TSC22D4: variants seen among roughly 807,000 people sequenced by gnomAD.
TSC22D4 encodes the protein TSC22 domain family member 4, also known as TSC22 domain family protein 4.
In TSC22D4, 5 loss-of-function variants were observed where a neutral mutation model predicts 24.9. The observed-to-expected ratio is 0.20, with a 90% CI of 0.10 to 0.42. The LOEUF (loss-of-function observed/expected upper bound fraction) is 0.42. TSC22D4 is among the 10% of genes least tolerant of loss of function. The probability of loss-of-function intolerance (pLI) is 1.00; values close to 1 mark genes in which losing one functional copy is unlikely to be tolerated. For synonymous variants in TSC22D4, 245 were observed against 243.2 expected (o/e 1.01, Z -0.07); for missense variants, 469 against 547.9 (o/e 0.86, Z 1.44).
chr7:100,474,448 C>T lies in TSC22D4; in HGVS notation c.763-8G>A, dbSNP rs772126583. The stretch of plus-strand genomic sequence containing the variant: ...AGAGTCAAGTGGGGGCACCTGGAGG[C>T]GGAGAGGTAGGAACCATCACATGAA... On this transcript the variant is annotated splice_region_variant and splice_polypyrimidine_tract_variant and intron_variant, in intron 2 of 4. Transcript: ENST00000300181. The surrounding 1 kb of genome is among the most constrained non-coding windows in gnomAD (Gnocchi z 4.3). The T allele has an allele frequency of 1.1e-5, 18 of 1,613,640 alleles. No individual in the cohort carries two copies. The highest frequency in any genetic ancestry group is 1.1e-4 in the East Asian group (5 of 44,870).
rs1191788482 is a variant in TSC22D4, at chr7:100,474,531, C to T, written c.763-91G>A. 1.4e-6 allele frequency: 2 copies of T among 1,441,132 alleles called. No homozygotes were observed. Among genetic ancestry groups the T allele is most frequent in the African/African-American group, 2.8e-5 (2 of 70,764 alleles). The allele number at this position is 1,441,132 out of a possible 1,614,324, so 89.3% of individuals were successfully genotyped here. Reference sequence around the variant, plus strand: ...CTTGCCTATTAGCCTTCCTCCCTCTCCACCTCCCCACTCTCTTTCGAGGAC... The same window carrying T: ...CTTGCCTATTAGCCTTCCTCCCTCTTCACCTCCCCACTCTCTTTCGAGGAC... On this transcript the variant is annotated intron_variant, in intron 2 of 4. Coordinates refer to ENST00000300181, the MANE Select transcript of TSC22D4 (RefSeq NM_030935.5). The surrounding 1 kb of genome is among the most constrained non-coding windows in gnomAD (Gnocchi z 4.3).
chr7:100,478,568 T>G (rs1353073467), intron 1 of TSC22D4, among the ~76,000 whole-genome samples: 1 of 151,642 alleles, frequency 6.6e-6, no homozygotes, highest in African/African-American at 2.4e-5. Context: ...AGTCCCAGAG[T>G]TGGGCATTTC....
Position 100,467,611 on chromosome 7 carries a change from A to C in TSC22D4, c.930-11T>G. The C allele has an allele frequency of 6.2e-7, 1 of 1,614,020 alleles. No homozygotes were observed. On this transcript the variant is annotated splice_polypyrimidine_tract_variant and intron_variant, in intron 3 of 4. Transcript: ENST00000300181. ...AGGCTTCCGGAGCCACTGGAGAGAC[A>C]CAGGAAGGTGAGGGGAGGAGAGGAG...
chr7:100,473,950 C>T, intron 3 of TSC22D4: 2 of 293,030 alleles, frequency 6.8e-6, no homozygotes, highest in South Asian at 7.8e-5. Flanking sequence ...CATGCATTTG[C>T]CAGTGGGTTC....
Position 100,478,318 on chromosome 7 carries a change from A to AGG in TSC22D4, c.-269-13_-269-12dup, listed in dbSNP as rs1454432968. ...AGCTGAGTTTGCAAACTGGAAAAAGAGGGGGAGAGAGAGAGAGAGAGAGAG... is the reference window on the plus strand; with the variant it reads ...AGCTGAGTTTGCAAACTGGAAAAAGAGGGGGGGAGAGAGAGAGAGAGAGAGAG... On this transcript the variant is annotated splice_polypyrimidine_tract_variant and intron_variant, in intron 1 of 4. Coordinates refer to ENST00000300181, the MANE Select transcript of TSC22D4 (RefSeq NM_030935.5). 1.1e-4 allele frequency: 41 copies of AGG among 385,654 alleles called. No individual in the cohort carries two copies. Among genetic ancestry groups the AGG allele is most frequent in the East Asian group, 7.9e-4 (16 of 20,166 alleles). 23.9% of individuals were successfully genotyped at this position (385,654 alleles called of 1,614,324 possible). A position where few individuals can be genotyped will look rare whatever the true frequency, so the allele number is the denominator to read the frequency against.
At chr7:100,471,051 A>T (rs1311702077) in intron 3 of TSC22D4, among the ~76,000 whole-genome samples, 2 of 152,076 alleles carry the variant, frequency 1.3e-5, no homozygotes, top group Non-Finnish European at 2.9e-5. Context: ...AAAGCAGGAC[A>T]CCTGGGAGAA....
At chr7:100,472,677 G>A (rs1199624569) in intron 3 of TSC22D4, among the ~76,000 whole-genome samples, 2 of 152,034 alleles carry the variant, frequency 1.3e-5, no homozygotes, top group Non-Finnish European at 2.9e-5. Flanking sequence ...TGGGAATGGG[G>A]CGTGCAGAAG....
At chr7:100,473,978 T>G in intron 3 of TSC22D4, 1 of 335,262 alleles carries the variant, frequency 3.0e-6, no homozygotes, top group Non-Finnish European at 5.7e-6. Context: ...GGCCAGATGA[T>G]CTCTAAATCT....
At position 100,477,898 on chromosome 7, in the gene TSC22D4, C is replaced by G; in HGVS notation, c.141G>C (p.Glu47Asp). ...TGPPPRLPNGEPSPDPGGKGT... is the reference protein window; with the variant it reads ...TGPPPRLPNGDPSPDPGGKGT... The stretch of plus-strand genomic sequence containing the variant: ...CCTTGCCCCCCGGATCGGGGCTGGG[C>G]TCCCCATTGGGCAGGCGGGGCGGGG... Residue 47 changes from glutamate to aspartate, a missense_variant, in exon 2 of 5, where the codon GAG becomes GAC. Coordinates refer to ENST00000300181, the MANE Select transcript of TSC22D4 (RefSeq NM_030935.5). The surrounding 1 kb of genome is among the most constrained non-coding windows in gnomAD (Gnocchi z 7.8). 1 of 1,569,658 alleles carries G rather than the reference C, an allele frequency of 6.4e-7. No individual in the cohort carries two copies. Among genetic ancestry groups the G allele is most frequent in the Non-Finnish European group, 8.6e-7 (1 of 1,158,764 alleles).
At position 100,478,322 on chromosome 7, in the gene TSC22D4, G is replaced by GGGGA. The variant is rs1490677352; in HGVS notation, c.-269-16_-269-15insTCCC. On this transcript the variant is annotated splice_polypyrimidine_tract_variant and intron_variant, in intron 1 of 4. Coordinates refer to ENST00000300181, the MANE Select transcript of TSC22D4 (RefSeq NM_030935.5). Reference sequence around the variant, plus strand: ...GAGTTTGCAAACTGGAAAAAGAGGGGGAGAGAGAGAGAGAGAGAGAGAGAG... The same window carrying GGGGA: ...GAGTTTGCAAACTGGAAAAAGAGGGGGGGAGAGAGAGAGAGAGAGAGAGAGAGAG... 1 of 199,176 alleles carries GGGGA rather than the reference G, an allele frequency of 5.0e-6. No individual in the cohort carries two copies. Among genetic ancestry groups the GGGGA allele is most frequent in the Non-Finnish European group, 8.8e-6 (1 of 113,916 alleles). The allele number at this position is 199,176 out of a possible 1,614,324, so 12.3% of individuals were successfully genotyped here.
chr7:100,474,458 G>T lies in TSC22D4; in HGVS notation c.763-18C>A. 6.2e-7 allele frequency: 1 copy of T among 1,613,360 alleles called. No individual in the cohort carries two copies. Among genetic ancestry groups the T allele is most frequent in the Non-Finnish European group, 8.5e-7 (1 of 1,179,794 alleles). On this transcript the variant is annotated intron_variant, in intron 2 of 4. Transcript: ENST00000300181. The surrounding 1 kb of genome is among the most constrained non-coding windows in gnomAD (Gnocchi z 4.3). ...GGGGGCACCTGGAGGCGGAGAGGTA[G>T]GAACCATCACATGAAAAGAGAAAAG...
chr7:100,476,316 T>C (rs956836957), intron 2 of TSC22D4, among the ~76,000 whole-genome samples: 2 of 151,818 alleles, frequency 1.3e-5, no homozygotes, highest in Non-Finnish European at 2.9e-5. Flanking sequence ...TCCTGACCGG[T>C]CCTGACAGGA....
rs954650944 is a variant in TSC22D4, at chr7:100,476,856, G to A, written c.762+421C>T. On this transcript the variant is annotated intron_variant, in intron 2 of 4. Transcript: ENST00000300181. The stretch of plus-strand genomic sequence containing the variant: ...GCTGCAGTGCAGAGACTGGCAGCGC[G>A]CAAGGCCTACCTTTTACTTTTCCTC... 5.3e-5 allele frequency among the ~76,000 whole-genome samples: 8 copies of A among 152,106 alleles called. No homozygotes were observed. In the East Asian group the frequency reaches 7.7e-4, roughly 15 times the overall value.
intron 2 of TSC22D4, among the ~76,000 whole-genome samples, chr7:100,475,001 ATGT>A (rs1183595982): frequency 6.6e-6 from 1 of 152,006 alleles, no homozygotes; most frequent in Non-Finnish European, 1.5e-5. Flanking sequence ...GGGTCTCAAG[ATGT>A]TGTCCCGGCT....
At chr7:100,469,837 G>C (rs1339477408) in intron 3 of TSC22D4, among the ~76,000 whole-genome samples, 1 of 152,200 alleles carries the variant, frequency 6.6e-6, no homozygotes, top group Non-Finnish European at 1.5e-5. Context: ...ATAAGGTCCT[G>C]CAGCCAGGAA....
At chr7:100,475,999 G>A (rs1799489371) in intron 2 of TSC22D4, among the ~76,000 whole-genome samples, 2 of 151,576 alleles carry the variant, frequency 1.3e-5, no homozygotes, top group South Asian at 4.2e-4. Flanking sequence ...CAAAACAGAT[G>A]CGTGCAAACA....
rs1390744326 is a variant in TSC22D4 at position 100,477,409 on chromosome 7, G to A, written c.630C>T (p.Ala210=). 6.3e-7 allele frequency: 1 copy of A among 1,595,450 alleles called. No homozygotes were observed. Among genetic ancestry groups the A allele is most frequent in the Non-Finnish European group, 8.5e-7 (1 of 1,170,204 alleles). ...CCACCCTCAGAGAGGGCAGGGGCGTGGCAGCCCGGGATGTGCCCGCACTCT... is the reference window on the plus strand; with the variant it reads ...CCACCCTCAGAGAGGGCAGGGGCGTAGCAGCCCGGGATGTGCCCGCACTCT... ...TGESAGTSRA[A]TPLPSLRVEA... Residue 210 remains alanine, a synonymous_variant, in exon 2 of 5, where the codon GCC becomes GCT. Coordinates refer to ENST00000300181, the MANE Select transcript of TSC22D4 (RefSeq NM_030935.5). This position sits in a 1 kb window ranked among gnomAD's most constrained non-coding sequence, Gnocchi z 7.8.
rs937834320 is a variant in TSC22D4, at chr7:100,478,979, C to G, written c.-455G>C. ...GGCATCTCCGAGGAAAGTTTGCTCT[C>G]CGGAAAAGAAGAAACCCGCGCCTCC... On this transcript the variant is annotated 5_prime_UTR_variant, in exon 1 of 5. Coordinates refer to ENST00000300181, the MANE Select transcript of TSC22D4 (RefSeq NM_030935.5). The G allele has an allele frequency of 1.3e-5, 2 of 152,260 alleles. No individual in the cohort carries two copies. Among genetic ancestry groups the G allele is most frequent in the African/African-American group, 4.8e-5 (2 of 41,446 alleles). 9.4% of individuals were successfully genotyped at this position (152,260 alleles called of 1,614,324 possible).
At position 100,477,188 on chromosome 7, in the gene TSC22D4, AG is replaced by A. The variant is rs754031841; in HGVS notation, c.762+88del. 1.3e-5 allele frequency: 14 copies of A among 1,062,224 alleles called. No individual in the cohort carries two copies. The highest frequency in any genetic ancestry group is 3.9e-5 in the African/African-American group (2 of 50,854). The allele number at this position is 1,062,224 out of a possible 1,614,324, so 65.8% of individuals were successfully genotyped here. A position where few individuals can be genotyped will look rare whatever the true frequency, so the allele number is the denominator to read the frequency against. On this transcript the variant is annotated intron_variant, in intron 2 of 4. Coordinates refer to ENST00000300181, the MANE Select transcript of TSC22D4 (RefSeq NM_030935.5). This position sits in a 1 kb window ranked among gnomAD's most constrained non-coding sequence, Gnocchi z 7.8. ...TGATCTTATAAAGTGATGGAGAAGG[AG>A]GAGGAGAGGGGGGGGAGGAGGAGGA... is the stretch of plus-strand genomic sequence containing the variant.
Sources: gnomAD v4.1 joint callset for allele counts (sites outside exome capture counted in the v4.1 genomes callset) on GRCh38, gnomAD v4.1.1 for gene constraint, Gnocchi (gnomAD v3.1) non-coding constraint, MANE v1.5 for transcripts, NCBI Gene and HGNC (gene_info 2026-07-23, HGNC 2026-07-21) for gene names.